Variants in SGMS2 observed in about 807,000 individuals in gnomAD.
The protein encoded by SGMS2 is sphingomyelin synthase 2.
A neutral mutation model predicts 43.8 loss-of-function variants in SGMS2; 21 were observed. The ratio of observed to expected loss-of-function variants is 0.48; its 90% CI spans 0.34 to 0.69. The LOEUF (loss-of-function observed/expected upper bound fraction) is 0.69, where lower values mean the gene tolerates loss of function less well. SGMS2 is among the 30% of genes least tolerant of loss of function. SGMS2 has a pLI of 0.01. For missense variants in SGMS2, 384 were observed against 443.2 expected (o/e 0.87, Z 1.20); for synonymous variants, 167 against 160.6 (o/e 1.04, Z -0.30).
intron 2 of SGMS2, among the ~76,000 whole-genome samples, chr4:107,889,141 C>G (rs1211492026): frequency 6.6e-6 from 1 of 152,144 alleles, no homozygotes; most frequent in South Asian, 2.1e-4. Flanking sequence ...TCCCTGTGGA[C>G]TAAACTGCCC....
chr4:107,894,619 T>C (rs2126119321), intron 2 of SGMS2, among the ~76,000 whole-genome samples: 1 of 152,332 alleles, frequency 6.6e-6, no homozygotes, highest in Admixed American at 6.5e-5. Context: ...TAAATTCTAC[T>C]TGTTACCTGC....
chr4:107,892,399 T>C (rs897262667), intron 2 of SGMS2, among the ~76,000 whole-genome samples: 12 of 150,458 alleles, frequency 8.0e-5, no homozygotes, highest in African/African-American at 2.7e-4. Context: ...CAAGCACTGA[T>C]AGGAGATTTG....
intron 4 of SGMS2, among the ~76,000 whole-genome samples, chr4:107,900,753 G>A (rs1035959485): frequency 1.8e-4 from 28 of 152,194 alleles, no homozygotes; most frequent in Admixed American, 5.9e-4. Flanking sequence ...CTAAGCAGAT[G>A]TCTGAGGTGA....
chr4:107,909,460 C>CT, intron 6 of SGMS2, among the ~76,000 whole-genome samples: 1 of 152,310 alleles, frequency 6.6e-6, no homozygotes, highest in South Asian at 2.1e-4. Context: ...TTATGAATGA[C>CT]TGGATTTGGT....
At chr4:107,891,196 A>G (rs1478156176) in intron 2 of SGMS2, among the ~76,000 whole-genome samples, 1 of 151,306 alleles carries the variant, frequency 6.6e-6, no homozygotes, top group Non-Finnish European at 1.5e-5. Flanking sequence ...TAGCCACTTC[A>G]GTGGCCTTGT....
chr4:107,880,580 G>T (rs1462937771), intron 2 of SGMS2, among the ~76,000 whole-genome samples: 1 of 152,092 alleles, frequency 6.6e-6, no homozygotes, highest in Non-Finnish European at 1.5e-5. Flanking sequence ...AGCTGGCCGG[G>T]TGCGATGGCT....
intron 5 of SGMS2, chr4:107,907,857 G>A (rs1430056938): frequency 6.6e-6 from 1 of 152,142 alleles, no homozygotes; most frequent in African/African-American, 2.4e-5. Context: ...GAGAAGGGGA[G>A]GACCATCATG....
chr4:107,834,684 GGGCTATA>G (rs1440408151), intron 1 of SGMS2, among the ~76,000 whole-genome samples: 1 of 152,186 alleles, frequency 6.6e-6, no homozygotes, highest in Non-Finnish European at 1.5e-5. Flanking sequence ...AGTATGTAAA[GGGCTATA>G]GGCTCTTAGA....
At chr4:107,905,192 G>A (rs925607545) in intron 5 of SGMS2, among the ~76,000 whole-genome samples, 1 of 152,206 alleles carries the variant, frequency 6.6e-6, no homozygotes, top group Non-Finnish European at 1.5e-5. Context: ...ACGTGGCTGA[G>A]GAGGCCTCAC....
Position 107,908,584 on chromosome 4 carries a change from G to A in SGMS2, c.747G>A (p.Trp249Ter), listed in dbSNP as rs144629998. Residue 249 changes from tryptophan to a stop codon, truncating the protein, a stop_gained, in exon 6 of 7, where the codon TGG becomes TGA. Transcript: ENST00000690982. LOFTEE classifies it high-confidence loss of function. ...FIKEYSPRHF[W>*]WYHLICWLLS... ...GTCCAGATTCGCCTCGTCACTTCTG[G>A]TGGTATCATTTAATCTGCTGGCTGC... The A allele has an allele frequency of 6.2e-7, 1 of 1,613,684 alleles. No homozygotes were observed. Among genetic ancestry groups the A allele is most frequent in the Non-Finnish European group, 8.5e-7 (1 of 1,179,858 alleles).
intron 6 of SGMS2, among the ~76,000 whole-genome samples, chr4:107,910,117 A>G (rs745673397): frequency 1.1e-4 from 16 of 152,116 alleles, no homozygotes; most frequent in Non-Finnish European, 2.1e-4. Flanking sequence ...CTCCATTCTT[A>G]CTGGAATTGC....
chr4:107,834,938 G>A (rs1206770883), intron 1 of SGMS2, among the ~76,000 whole-genome samples: 1 of 152,172 alleles, frequency 6.6e-6, no homozygotes, highest in Non-Finnish European at 1.5e-5. Context: ...AGGAAGCTGA[G>A]GCAGGTGAAT....
intron 2 of SGMS2, among the ~76,000 whole-genome samples, chr4:107,894,703 G>T (rs1322209032): frequency 6.6e-6 from 1 of 152,088 alleles, no homozygotes; most frequent in Non-Finnish European, 1.5e-5. Context: ...CTTGTATATG[G>T]TGTGCGTCTC....
At chr4:107,887,657 C>T (rs990561093) in intron 2 of SGMS2, among the ~76,000 whole-genome samples, 1 of 152,072 alleles carries the variant, frequency 6.6e-6, no homozygotes, top group African/African-American at 2.4e-5. Context: ...TGTCAAATAT[C>T]AAAAGTTTAA....
In SGMS2 at chr4:107,913,396, T is replaced by C. The variant is rs1158954112; in HGVS notation, c.*2843T>C. The C allele has an allele frequency of 6.6e-6, 1 of 152,204 alleles. No homozygotes were observed. The highest frequency in any genetic ancestry group is 1.5e-5 in the Non-Finnish European group (1 of 68,038). The allele number at this position is 152,204 out of a possible 1,614,324, so 9.4% of individuals were successfully genotyped here. A position where few individuals can be genotyped will look rare whatever the true frequency, so the allele number is the denominator to read the frequency against. ...TGGCATCTTGGGAAACAAGTTTTGC[T>C]GTGGCAGGAAGGCTGTTTTGAGAGT... On this transcript the variant is annotated 3_prime_UTR_variant, in exon 7 of 7. Coordinates refer to ENST00000690982, the MANE Select transcript of SGMS2 (RefSeq NM_001375905.1).
rs952979402 is a variant in SGMS2, at chr4:107,914,875, C to A, written c.*4322C>A. 2 of 152,076 alleles carry A rather than the reference C, an allele frequency of 1.3e-5. No homozygotes were observed. Among genetic ancestry groups the A allele is most frequent in the African/African-American group, 2.4e-5 (1 of 41,430 alleles). 9.4% of individuals were successfully genotyped at this position (152,076 alleles called of 1,614,324 possible). A position where few individuals can be genotyped will look rare whatever the true frequency, so the allele number is the denominator to read the frequency against. On this transcript the variant is annotated 3_prime_UTR_variant, in exon 7 of 7. Coordinates refer to ENST00000690982, the MANE Select transcript of SGMS2 (RefSeq NM_001375905.1). ...TTTATACTTCTATAATGTTGTCTTACATTTACATTTTTAAGTGCCTAATTG... is the reference window on the plus strand; with the variant it reads ...TTTATACTTCTATAATGTTGTCTTAAATTTACATTTTTAAGTGCCTAATTG...
At chr4:107,844,341 T>C (rs903953405) in intron 1 of SGMS2, among the ~76,000 whole-genome samples, 1 of 151,676 alleles carries the variant, frequency 6.6e-6, no homozygotes, top group Admixed American at 6.6e-5. Context: ...AAAATGCTCT[T>C]TTTAAAATCA....
At chr4:107,826,429 T>C (rs1725593706) in intron 1 of SGMS2, among the ~76,000 whole-genome samples, 1 of 152,246 alleles carries the variant, frequency 6.6e-6, no homozygotes, top group Non-Finnish European at 1.5e-5. Context: ...GGTTATGGTT[T>C]CCATCCTGTG....
At chr4:107,843,108 T>C (rs1208125073) in intron 1 of SGMS2, among the ~76,000 whole-genome samples, 2 of 152,036 alleles carry the variant, frequency 1.3e-5, no homozygotes, top group Non-Finnish European at 2.9e-5. Flanking sequence ...ATGGTGTGCT[T>C]GAACCTTCTA....
Sources: allele counts gnomAD v4.1 joint callset (sites outside exome capture counted in the v4.1 genomes callset), GRCh38; gene constraint gnomAD v4.1.1; transcripts MANE v1.5; gene names NCBI Gene and HGNC (gene_info 2026-07-23, HGNC 2026-07-21).